The following PRELID2 variants were observed in gnomAD, a reference collection of about 807,000 sequenced individuals.
PRELID2 encodes the protein PRELI domain containing 2.
Under a neutral mutation model 28.4 loss-of-function variants are expected in PRELID2, and 25 were observed. The ratio of observed to expected loss-of-function variants is 0.88; its 90% CI spans 0.64 to 1.23. The LOEUF (loss-of-function observed/expected upper bound fraction) is 1.23. PRELID2 is among the 50% of genes most tolerant of loss of function. The pLI, the probability that PRELID2 is intolerant of heterozygous loss-of-function variation, is 0.00. For synonymous variants in PRELID2, 76 were observed against 71.6 expected (o/e 1.06, Z -0.31); for missense variants, 201 against 214.4 (o/e 0.94, Z 0.39).
chr5:145,690,760 CCT>C (rs1481903541), intron 1 of PRELID2, among the ~76,000 whole-genome samples: 1 of 152,006 alleles, frequency 6.6e-6, no homozygotes, highest in Non-Finnish European at 1.5e-5. Context: ...AGATATAGCC[CCT>C]GTTTCTTGCA....
intron 1 of PRELID2, among the ~76,000 whole-genome samples, chr5:145,560,506 G>A (rs1452110778): frequency 6.6e-6 from 1 of 152,158 alleles, no homozygotes; most frequent in Non-Finnish European, 1.5e-5. Flanking sequence ...CACACGTGCT[G>A]CTGACCCACT....
chr5:145,368,096 A>G, the PRELID2 span, among the ~76,000 whole-genome samples: 1 of 151,980 alleles, frequency 6.6e-6, no homozygotes, highest in South Asian at 2.1e-4. Flanking sequence ...TTGGTTATTT[A>G]TTTGTTTATA....
the PRELID2 span, among the ~76,000 whole-genome samples, chr5:145,371,262 G>A: frequency 6.6e-6 from 1 of 152,076 alleles, no homozygotes; most frequent in Non-Finnish European, 1.5e-5. Flanking sequence ...GTCATAAATA[G>A]CTCTTACTAT....
At chr5:145,431,107 A>G in the PRELID2 span, among the ~76,000 whole-genome samples, 15 of 143,398 alleles carry the variant, frequency 1.0e-4, no homozygotes, top group Non-Finnish European at 1.9e-4. Flanking sequence ...ACCTCTTCTG[A>G]CATTTTCTTA....
At chr5:145,433,909 C>T in the PRELID2 span, among the ~76,000 whole-genome samples, 14 of 152,274 alleles carry the variant, frequency 9.2e-5, no homozygotes, top group Non-Finnish European at 1.9e-4. Context: ...GAATTCTCTC[C>T]ATTAAAATAA....
the PRELID2 span, among the ~76,000 whole-genome samples, chr5:145,346,954 A>G: frequency 6.6e-6 from 1 of 152,168 alleles, no homozygotes; most frequent in East Asian, 1.9e-4. Context: ...TGGATAAAGA[A>G]ATATATCCAC....
intron 1 of PRELID2, among the ~76,000 whole-genome samples, chr5:145,694,872 A>G (rs1001799706): frequency 2.0e-5 from 3 of 152,172 alleles, no homozygotes; most frequent in Non-Finnish European, 4.4e-5. Flanking sequence ...GCCAGCTACA[A>G]TGTTTAAAGG....
chr5:145,645,232 T>G (rs1228060376), intron 1 of PRELID2, among the ~76,000 whole-genome samples: 1 of 152,098 alleles, frequency 6.6e-6, no homozygotes, highest in African/African-American at 2.4e-5. Flanking sequence ...AATAATTAGC[T>G]CTTCTTGTTG....
chr5:145,286,495 T>C, the PRELID2 span, among the ~76,000 whole-genome samples: 2 of 152,158 alleles, frequency 1.3e-5, no homozygotes, highest in African/African-American at 4.8e-5. Flanking sequence ...AGAGATGATG[T>C]GTAATTTTCC....
chr5:145,453,052 G>C, the PRELID2 span, among the ~76,000 whole-genome samples: 58 of 152,270 alleles, frequency 3.8e-4, no homozygotes, highest in African/African-American at 1.3e-3. Flanking sequence ...CTGTAGGTGT[G>C]AACATGGAAT....
At chr5:145,705,905 T>C (rs1755533877) in intron 1 of PRELID2, among the ~76,000 whole-genome samples, 1 of 151,072 alleles carries the variant, frequency 6.6e-6, no homozygotes, top group East Asian at 1.9e-4. Context: ...ATCTTAGCTG[T>C]GGGCCATACA....
intron 1 of PRELID2, among the ~76,000 whole-genome samples, chr5:145,746,128 T>G (rs529372500): frequency 1.7e-3 from 266 of 152,250 alleles, no homozygotes; most frequent in Non-Finnish European, 3.0e-3. Flanking sequence ...AATAACCAGC[T>G]AGCATCATGA....
intron 1 of PRELID2, among the ~76,000 whole-genome samples, chr5:145,742,128 T>TA (rs1756828534): frequency 1.9e-4 from 1 of 5,398 alleles, no homozygotes; most frequent in African/African-American, 3.1e-4. Flanking sequence ...AATTTATTAA[T>TA]TATAAATAAA....
At chr5:145,316,008 T>A in the PRELID2 span, among the ~76,000 whole-genome samples, 3 of 152,220 alleles carry the variant, frequency 2.0e-5, no homozygotes, top group Non-Finnish European at 4.4e-5. Flanking sequence ...CTCTCTTGTA[T>A]CTATATGATG....
the PRELID2 span, among the ~76,000 whole-genome samples, chr5:145,450,282 T>C: frequency 6.6e-6 from 1 of 152,124 alleles, no homozygotes; most frequent in Non-Finnish European, 1.5e-5. Flanking sequence ...CAGACACAAC[T>C]GAACTCAAGA....
the PRELID2 span, among the ~76,000 whole-genome samples, chr5:145,371,886 TA>T: frequency 0.28 from 39,623 of 141,684 alleles, 5,520 homozygotes; most frequent in South Asian, 0.33. Context: ...TTTGTTAATT[TA>T]AAAAAAAAAA....
chr5:145,397,834 G>A, the PRELID2 span, among the ~76,000 whole-genome samples: 2 of 152,124 alleles, frequency 1.3e-5, no homozygotes, highest in African/African-American at 4.8e-5. Flanking sequence ...ATGCCCTATG[G>A]GAGCCAAAGC....
the PRELID2 span, among the ~76,000 whole-genome samples, chr5:145,262,035 G>T: frequency 0.026 from 3,962 of 152,156 alleles, 161 homozygotes; most frequent in African/African-American, 0.091. Context: ...GACACACTTA[G>T]ACAAATGCAA....
chr5:145,453,625 C>T, the PRELID2 span, among the ~76,000 whole-genome samples: 1 of 152,082 alleles, frequency 6.6e-6, no homozygotes, highest in Non-Finnish European at 1.5e-5. Flanking sequence ...AGACCCCCAA[C>T]CCTGACAGGC....
Sources: allele counts gnomAD v4.1 joint callset (sites outside exome capture counted in the v4.1 genomes callset), GRCh38; gene constraint gnomAD v4.1.1; transcripts MANE v1.5; gene names NCBI Gene and HGNC (gene_info 2026-07-23, HGNC 2026-07-21).